Variants in ETV4 observed in about 807,000 individuals in gnomAD.
ETV4 encodes ETS translocation variant 4.
ETV4 carries 42 observed loss-of-function variants against 65.9 expected under a neutral mutation model. The ratio of observed to expected loss-of-function variants is 0.64; its 90% confidence interval spans 0.50 to 0.82. ETV4 has a LOEUF of 0.82. Ranked by LOEUF, ETV4 falls within the 40% of genes least tolerant of loss-of-function variation. The pLI is 0.00. For missense variants in ETV4, 583 were observed against 630.3 expected, an observed-to-expected ratio of 0.92 and a Z score of 0.80; for synonymous variants, 238 against 260.0, an observed-to-expected ratio of 0.92 and a Z score of 0.81.
intron 8 of ETV4, among the ~76,000 whole-genome samples, chr17:43,530,904 C>CATTCATGCCTCCATTTTGTGAATGGA (rs1413141345): frequency 1.3e-5 from 2 of 152,098 alleles, no homozygotes; most frequent in Non-Finnish European, 1.5e-5. Context: ...AGGGTGGGCT[C>CATTCATGCCTCCATTTTGTGAATGGA]ATTCATGCCT....
At chr17:43,538,755 G>C (rs1197719356) in intron 4 of ETV4, among the ~76,000 whole-genome samples, 1 of 152,174 alleles carries the variant, frequency 6.6e-6, no homozygotes, top group Non-Finnish European at 1.5e-5. Flanking sequence ...TCCAGGAAGA[G>C]AGTGGTTCTA....
intron 6 of ETV4, 27 bp from the exon 7 acceptor site, chr17:43,533,375 A>AG: frequency 6.3e-7 from 1 of 1,597,428 alleles, no homozygotes; most frequent in Non-Finnish European, 8.6e-7. Flanking sequence ...GACAGGGGTG[A>AG]GGGGGCAGAG....
intron 4 of ETV4, among the ~76,000 whole-genome samples, chr17:43,543,224 CA>C (rs1309146409): frequency 1.3e-5 from 2 of 151,440 alleles, no homozygotes; most frequent in South Asian, 2.1e-4. Flanking sequence ...CCCACCTCCC[CA>C]CCCACTGGAT....
chr17:43,532,883 C>G lies in ETV4; in HGVS notation c.602G>C (p.Gly201Ala), dbSNP rs1159895392. Residue 201 changes from glycine (G) to alanine (A), a missense_variant, in exon 8 of 13, where the codon GGC (glycine) becomes GCC (alanine). Transcript: ENST00000319349. ...ICHSFTSQGG[G>A]REPLPAPYQH... ...GTAGGGGGCTGGGAGGGGTTCCCGG[C>G]CCCCTCCCTGAGATGTGAAGGAGTG... 3.1e-6 allele frequency: 5 copies of G among 1,603,512 alleles called. No homozygotes were observed. Among genetic ancestry groups the G allele is most frequent in the Admixed American group, 1.7e-5 (1 of 58,874 alleles).
rs957834923 is a variant in ETV4, at chr17:43,541,073, G to A, written c.202+3902C>T. The stretch of plus-strand genomic sequence containing the variant: ...TTTAACCAGGGACCCCTCCAGGCCC[G>A]GAATCCAGGAGGAGGCTTCCTCCAG... On this transcript the variant is annotated intron_variant, in intron 4 of 12. Transcript: ENST00000319349. Among the ~76,000 whole-genome samples, 19 of 152,196 alleles carry A rather than the reference G, an allele frequency of 1.2e-4. No individual in the cohort carries two copies. In the South Asian group the frequency reaches 2.5e-3, roughly 20 times the overall value.
intron 1 of ETV4, 161 bp from the exon 2 acceptor site, chr17:43,545,829 C>A: frequency 1.7e-6 from 1 of 603,942 alleles, no homozygotes; most frequent in South Asian, 2.0e-5. Context: ...CACCACCACT[C>A]CCCTCCCGCC....
intron 4 of ETV4, among the ~76,000 whole-genome samples, chr17:43,536,700 A>G (rs1354595822): frequency 6.6e-6 from 1 of 152,180 alleles, no homozygotes; most frequent in Non-Finnish European, 1.5e-5. Flanking sequence ...AACAAATCTC[A>G]TAATGTTTTA....
chr17:43,537,891 G>A (rs1203265197), intron 4 of ETV4, among the ~76,000 whole-genome samples: 1 of 152,198 alleles, frequency 6.6e-6, no homozygotes, highest in Non-Finnish European at 1.5e-5. Flanking sequence ...CACTTTGGGA[G>A]GCTGAGGCGG....
chr17:43,537,902 G>A (rs1971327475), intron 4 of ETV4, among the ~76,000 whole-genome samples: 1 of 152,192 alleles, frequency 6.6e-6, no homozygotes, highest in East Asian at 1.9e-4. Context: ...GCTGAGGCGG[G>A]CAGATCACCA....
At chr17:43,536,515 G>T in intron 4 of ETV4, 36 bp from the exon 5 acceptor site, 1 of 1,605,198 alleles carries the variant, frequency 6.2e-7, no homozygotes, top group Non-Finnish European at 8.5e-7. Flanking sequence ...TTGGGGCGGA[G>T]CCCTGGTTGT....
chr17:43,536,404 C>CT, intron 5 of ETV4, 22 bp downstream of exon 5: 2 of 1,611,124 alleles, frequency 1.2e-6, no homozygotes, highest in East Asian at 2.2e-5. Context: ...CCTATACCCT[C>CT]TCCCCAGGGA....
Position 43,533,892 on chromosome 17 carries a change from G to A in ETV4, c.350C>T (p.Pro117Leu). The A allele has an allele frequency of 6.3e-7, 1 of 1,599,670 alleles. No individual in the cohort carries two copies. ...AAGGCACTGCTCGCCATGGTGGTAGGGGAGTGGCGGCTTCCTGCTGCAGGA... is the reference window on the plus strand; with the variant it reads ...AAGGCACTGCTCGCCATGGTGGTAGAGGAGTGGCGGCTTCCTGCTGCAGGA... ...ALSCSRKPPL[P>L]YHHGEQCLYS... The change falls in exon 6 of 13, where the codon CCC becomes CTC. Residue 117 changes from proline to leucine, a missense_variant. Coordinates refer to ENST00000319349, the MANE Select transcript of ETV4 (RefSeq NM_001079675.5).
At chr17:43,545,155 G>A in intron 3 of ETV4, 119 bp downstream of exon 3, 6 of 1,276,058 alleles carry the variant, frequency 4.7e-6, no homozygotes, top group Non-Finnish European at 5.6e-6. Context: ...CTTGGAGGGC[G>A]AGTTTTTTGG....
intron 6 of ETV4, 40 bp from the exon 7 acceptor site, chr17:43,533,388 G>C: frequency 6.3e-7 from 1 of 1,579,594 alleles, no homozygotes; most frequent in Non-Finnish European, 8.7e-7. Flanking sequence ...GGGCAGAGAA[G>C]CTGGAAAGCA....
At chr17:43,545,897 T>C in intron 1 of ETV4, 1 of 573,970 alleles carries the variant, frequency 1.7e-6, no homozygotes, top group East Asian at 3.0e-5. Flanking sequence ...TTCTGCTTTC[T>C]GCAGCCCTGC....
chr17:43,545,711 G>T, intron 1 of ETV4, 43 bp from the exon 2 acceptor site: 1 of 1,081,778 alleles, frequency 9.2e-7, no homozygotes, highest in Non-Finnish European at 1.4e-6. Context: ...TCCAGGGAGG[G>T]CTGCGATGGG....
At chr17:43,538,960 T>C (rs1285356173) in intron 4 of ETV4, among the ~76,000 whole-genome samples, 2 of 152,136 alleles carry the variant, frequency 1.3e-5, no homozygotes, top group East Asian at 3.8e-4. Context: ...TACAAATACA[T>C]ATCCCATCTC....
At chr17:43,540,778 ACAT>A (rs1971479308) in intron 4 of ETV4, among the ~76,000 whole-genome samples, 1 of 152,106 alleles carries the variant, frequency 6.6e-6, no homozygotes, top group Non-Finnish European at 1.5e-5. Context: ...TTCAGAGGCA[ACAT>A]CCCCCAAGGT....
chr17:43,538,032 G>A (rs1840326903), intron 4 of ETV4, among the ~76,000 whole-genome samples: 1 of 151,770 alleles, frequency 6.6e-6, no homozygotes, highest in African/African-American at 2.4e-5. Context: ...CCTGAGGCAG[G>A]AGTATGCCTG....
Sources: gnomAD v4.1 joint callset for allele counts (sites outside exome capture counted in the v4.1 genomes callset) on GRCh38, gnomAD v4.1.1 for gene constraint, MANE v1.5 for transcripts, NCBI Gene and HGNC (gene_info 2026-07-23, HGNC 2026-07-21) for gene names.